The following ABCG1 variants were observed in gnomAD, a reference collection of about 807,000 sequenced individuals.
The protein encoded by ABCG1 is ATP binding cassette subfamily G member 1.
A neutral mutation model predicts 69.2 loss-of-function variants in ABCG1; 29 were observed. That is an observed-to-expected ratio of 0.42 (90% CI 0.31 to 0.57). The LOEUF is 0.57. ABCG1 is among the 20% of genes least tolerant of loss of function. ABCG1 has a pLI of 0.15. For synonymous variants in ABCG1, 370 were observed against 374.8 expected, an observed-to-expected ratio of 0.99 and a Z score of 0.15; for missense variants, 718 against 898.1, an observed-to-expected ratio of 0.80 and a Z score of 2.56.
At position 42,264,247 on chromosome 21, in the gene ABCG1, C is replaced by G. The variant is rs557303918; in HGVS notation, c.287-6823C>G. Among the ~76,000 whole-genome samples, 8 of 152,352 alleles carry G rather than the reference C, an allele frequency of 5.3e-5. No individual in the cohort carries two copies. The East Asian group carries it at 1.5e-3, about 29-fold the overall frequency. On this transcript the variant is annotated intron_variant, in intron 2 of 14. Transcript: ENST00000398449. Reference sequence around the variant, plus strand: ...ATGTCTGCACAGGCTGTCTCTGAATCTCTAATGTTCTAAAAGTGGCTCATT... The same window carrying G: ...ATGTCTGCACAGGCTGTCTCTGAATGTCTAATGTTCTAAAAGTGGCTCATT...
intron 2 of ABCG1, among the ~76,000 whole-genome samples, chr21:42,226,472 C>G (rs1224688971): frequency 1.3e-5 from 2 of 152,220 alleles, no homozygotes; most frequent in Non-Finnish European, 2.9e-5. Context: ...GAGGATAGAG[C>G]TCAGGAGGTG....
upstream of ABCG1, chr21:42,216,088 G>A (rs1332371508): frequency 6.7e-6 from 3 of 445,650 alleles, no homozygotes; most frequent in East Asian, 7.2e-5. Flanking sequence ...CTTTATAAAG[G>A]GGAGTTTCCC....
At chr21:42,290,813 G>T (rs1386141643) in intron 11 of ABCG1, among the ~76,000 whole-genome samples, 1 of 152,246 alleles carries the variant, frequency 6.6e-6, no homozygotes, top group Non-Finnish European at 1.5e-5. Context: ...CTCAGGAAGA[G>T]TAAGGCCAGG....
chr21:42,203,961 C>T (rs1337676081), intron 2 of ABCG1, among the ~76,000 whole-genome samples: 1 of 152,160 alleles, frequency 6.6e-6, no homozygotes, highest in South Asian at 2.1e-4. Flanking sequence ...AAGTCCTGTA[C>T]CTGTTTTGTT....
At chr21:42,250,403 G>A (rs556818110) in intron 2 of ABCG1, among the ~76,000 whole-genome samples, 1 of 152,262 alleles carries the variant, frequency 6.6e-6, no homozygotes, top group South Asian at 2.1e-4. Flanking sequence ...GTGGTCTTTG[G>A]TTTCCCGTGG....
intron 2 of ABCG1, among the ~76,000 whole-genome samples, chr21:42,270,076 C>T (rs531255699): frequency 5.3e-5 from 8 of 151,998 alleles, no homozygotes; most frequent in Non-Finnish European, 8.8e-5. Flanking sequence ...CTGGCTAACA[C>T]GGTGAAACCC....
intron 4 of ABCG1, among the ~76,000 whole-genome samples, chr21:42,274,393 G>C (rs7280003): frequency 0.032 from 4,912 of 151,950 alleles, 290 homozygotes; most frequent in African/African-American, 0.11. Context: ...GATATCCTCT[G>C]CCTGGGTTTC....
chr21:42,219,771 C>T lies in ABCG1; in HGVS notation c.42+467C>T. ...ACTTCTCGCGCCATCCCCAGGAACG[C>T]CAGGCAAGGTCTGGGGGAACAAAAG... is the stretch of plus-strand genomic sequence containing the variant. On this transcript the variant is annotated intron_variant, in intron 1 of 14. Coordinates refer to ENST00000398449, the MANE Select transcript of ABCG1 (RefSeq NM_016818.3). The surrounding 1 kb of genome is among the most constrained non-coding windows in gnomAD (Gnocchi z 5.3). 7.2e-7 allele frequency: 1 copy of T among 1,392,962 alleles called. No individual in the cohort carries two copies. The highest frequency in any genetic ancestry group is 9.3e-7 in the Non-Finnish European group (1 of 1,071,050). 86.3% of individuals were successfully genotyped at this position (1,392,962 alleles called of 1,614,324 possible).
At chr21:42,213,012 C>A (rs575390739), upstream of ABCG1, among the ~76,000 whole-genome samples, 60 of 152,204 alleles carry the variant, frequency 3.9e-4, 1 homozygote, top group African/African-American at 1.3e-3. Context: ...AATTTATAGT[C>A]AAAAAGGAGG....
At chr21:42,252,492 C>T (rs963318312) in intron 2 of ABCG1, among the ~76,000 whole-genome samples, 13 of 152,078 alleles carry the variant, frequency 8.5e-5, no homozygotes, top group Non-Finnish European at 1.3e-4. Flanking sequence ...AAGCCAGGGC[C>T]GCCGGGCAGC....
chr21:42,243,233 G>T (rs1428869235), intron 2 of ABCG1, among the ~76,000 whole-genome samples: 1 of 152,140 alleles, frequency 6.6e-6, no homozygotes, highest in Non-Finnish European at 1.5e-5. Context: ...CACTATGAAT[G>T]TGGGGAGCCC....
At chr21:42,222,226 G>T (rs1488680804) in intron 1 of ABCG1, among the ~76,000 whole-genome samples, 1 of 152,294 alleles carries the variant, frequency 6.6e-6, no homozygotes, top group African/African-American at 2.4e-5. Context: ...GGAGAAACTC[G>T]CTGTAACCTA....
At chr21:42,294,156 C>G (rs1053459429) in intron 13 of ABCG1, among the ~76,000 whole-genome samples, 1 of 152,160 alleles carries the variant, frequency 6.6e-6, no homozygotes, top group Non-Finnish European at 1.5e-5. Context: ...TCCACTGTGC[C>G]CCGACCGAAG....
At chr21:42,280,465 C>A (rs892776920) in intron 5 of ABCG1, among the ~76,000 whole-genome samples, 2 of 152,256 alleles carry the variant, frequency 1.3e-5, no homozygotes, top group Non-Finnish European at 2.9e-5. Context: ...CCCTGGAGCG[C>A]CCGCCGGGAA....
chr21:42,294,529 C>T lies in ABCG1; in HGVS notation c.1654-13C>T, dbSNP rs1233829741. Reference sequence around the variant, plus strand: ...GGTTCTGCTACATCTGTCCTGTGTGCCCCCAACTCCAGGTGGCCACTTTCG... The same window carrying T: ...GGTTCTGCTACATCTGTCCTGTGTGTCCCCAACTCCAGGTGGCCACTTTCG... On this transcript the variant is annotated splice_polypyrimidine_tract_variant and intron_variant, in intron 13 of 14. Coordinates refer to ENST00000398449, the MANE Select transcript of ABCG1 (RefSeq NM_016818.3). The T allele has an allele frequency of 2.5e-6, 4 of 1,604,784 alleles. No homozygotes were observed. The highest frequency in any genetic ancestry group is 8.5e-7 in the Non-Finnish European group (1 of 1,171,538).
chr21:42,287,868 C>A lies in ABCG1; in HGVS notation c.974-21C>A. On this transcript the variant is annotated intron_variant, in intron 8 of 14. Transcript: ENST00000398449. The surrounding 1 kb of genome is among the most constrained non-coding windows in gnomAD (Gnocchi z 6.2). The stretch of plus-strand genomic sequence containing the variant: ...TGTCCTTCCTGGAGCCCGGGCTGAC[C>A]CCCGTCTGTGTCTCCTGCAGTCATG... The A allele has an allele frequency of 6.5e-7, 1 of 1,540,746 alleles. No homozygotes were observed. Among genetic ancestry groups the A allele is most frequent in the South Asian group, 1.2e-5 (1 of 80,620 alleles).
At chr21:42,283,028 C>T (rs192208699) in intron 6 of ABCG1, among the ~76,000 whole-genome samples, 97 of 152,316 alleles carry the variant, frequency 6.4e-4, no homozygotes, top group Admixed American at 1.2e-3. Context: ...TGCCCCCAGC[C>T]GCAGGTTGAG....
intron 2 of ABCG1, among the ~76,000 whole-genome samples, chr21:42,240,876 T>G (rs1444053125): frequency 6.6e-6 from 1 of 152,280 alleles, no homozygotes; most frequent in Non-Finnish European, 1.5e-5. Context: ...CTGTCCATCT[T>G]CAGGGAGAGT....
At chr21:42,216,334 GT>G (rs1290173972), upstream of ABCG1, 2 of 330,830 alleles carry the variant, frequency 6.0e-6, no homozygotes, top group African/African-American at 2.2e-5. Flanking sequence ...AGAAATTTCT[GT>G]TGGGGTTGGG....
Sources: allele counts gnomAD v4.1 joint callset (sites outside exome capture counted in the v4.1 genomes callset), GRCh38; gene constraint gnomAD v4.1.1; non-coding constraint Gnocchi (gnomAD v3.1); transcripts MANE v1.5; gene names NCBI Gene and HGNC (gene_info 2026-07-23, HGNC 2026-07-21).